Variants in HIP1 observed in about 807,000 individuals in gnomAD.
HIP1 encodes huntingtin-interacting protein 1.
HIP1 carries 65 observed loss-of-function variants against 147.6 expected under a neutral mutation model. The observed-to-expected ratio is 0.44, with a 90% confidence interval of 0.36 to 0.54. The LOEUF (loss-of-function observed/expected upper bound fraction) is 0.54, where lower values mean the gene tolerates loss of function less well. Ranked by LOEUF, HIP1 falls within the 20% of genes least tolerant of loss-of-function variation. The pLI is 0.00. For missense variants in HIP1, 1,061 were observed against 1,299.6 expected (o/e 0.82, Z 2.82); for synonymous variants, 479 against 504.0 (o/e 0.95, Z 0.67).
In HIP1 at chr7:75,715,458, CAGAGAG is replaced by C. The variant is rs1164089551; in HGVS notation, c.120+23337_120+23342del. Reference sequence around the variant, plus strand: ...GAAAGAAGGGAGAGAGAGACACACACAGAGAGAGAGAGAGAGAGAGAGAGAGAGAAA... The same window carrying C: ...GAAAGAAGGGAGAGAGAGACACACACAGAGAGAGAGAGAGAGAGAGAGAAA... On this transcript the variant is annotated intron_variant, in intron 1 of 30. Coordinates refer to ENST00000336926, the MANE Select transcript of HIP1 (RefSeq NM_005338.7). Among the ~76,000 whole-genome samples, 119 of 106,638 alleles carry C rather than the reference CAGAGAG, an allele frequency of 1.1e-3. 1 individual carries two copies. The highest frequency in any genetic ancestry group is 4.4e-3 in the Middle Eastern group (1 of 228). 70.0% of individuals were successfully genotyped at this position (106,638 alleles called of 152,430 possible).
chr7:75,637,224 C>T (rs2117146321), intron 1 of HIP1, among the ~76,000 whole-genome samples: 1 of 152,332 alleles, frequency 6.6e-6, no homozygotes, highest in Middle Eastern at 3.4e-3. Flanking sequence ...TTACCCAGCA[C>T]TTGCTATAGA....
Position 75,568,067 on chromosome 7 carries a change from C to CA in HIP1, c.803+131dup, listed in dbSNP as rs1795474670. ...TTGGCCTCAAGTGATCCTCCCGCCT[C>CA]AGCCTCCCAAAGAGTTGGGGTTACA... On this transcript the variant is annotated intron_variant, in intron 9 of 30. Coordinates refer to ENST00000336926, the MANE Select transcript of HIP1 (RefSeq NM_005338.7). This position sits in a 1 kb window ranked among gnomAD's most constrained non-coding sequence, Gnocchi z 4.1. 7.1e-6 allele frequency: 5 copies of CA among 702,980 alleles called. No homozygotes were observed. In the Admixed American group the frequency reaches 1.0e-4, roughly 15 times the overall value. 43.5% of individuals were successfully genotyped at this position (702,980 alleles called of 1,614,324 possible).
rs1409062696 is a variant in HIP1 at position 75,606,141 on chromosome 7, GC to G, written c.121-6895del. 2.0e-5 allele frequency among the ~76,000 whole-genome samples: 3 copies of G among 152,102 alleles called. No homozygotes were observed. In the East Asian group the frequency reaches 5.8e-4, roughly 29 times the overall value. ...TGGGCTTATAGGTGTGAGACACCAT[GC>G]CCAGCCAGAAGCTATTTAATAGCAT... On this transcript the variant is annotated intron_variant, in intron 1 of 30. Transcript: ENST00000336926.
intron 11 of HIP1, 133 bp downstream of exon 11, chr7:75,562,799 AGGT>A: frequency 1.3e-6 from 1 of 799,780 alleles, no homozygotes; most frequent in Non-Finnish European, 2.0e-6. Flanking sequence ...TGCTCAGCCT[AGGT>A]TGGTGCTAGG....
chr7:75,730,678 C>T lies in HIP1; in HGVS notation c.120+8123G>A, dbSNP rs566606204. ...TAATTCATACATGTGTTGCAAGGAT[C>T]GAAAAGGGTGGCTCATGTAAGGCCT... is the stretch of plus-strand genomic sequence containing the variant. On this transcript the variant is annotated intron_variant, in intron 1 of 30. Transcript: ENST00000336926. Among the ~76,000 whole-genome samples the T allele has an allele frequency of 9.3e-5, 14 of 151,066 alleles. No individual in the cohort carries two copies. The South Asian group carries it at 1.7e-3, about 18-fold the overall frequency.
intron 1 of HIP1, among the ~76,000 whole-genome samples, chr7:75,692,357 C>G (rs182939916): frequency 6.6e-6 from 1 of 151,770 alleles, no homozygotes; most frequent in Admixed American, 6.6e-5. Flanking sequence ...CTCCTGGGCT[C>G]AAGCAATCCT....
chr7:75,547,690 G>C (rs782091436), intron 24 of HIP1, 65 bp downstream of exon 24: 1 of 1,360,016 alleles, frequency 7.4e-7, no homozygotes, highest in Non-Finnish European at 1.1e-6. Flanking sequence ...AGTATGCAAA[G>C]TATAGACCAA....
chr7:75,555,984 G>A (rs1554493173), intron 18 of HIP1, 42 bp downstream of exon 18: 10 of 1,608,190 alleles, frequency 6.2e-6, no homozygotes, highest in African/African-American at 2.7e-5. Context: ...GCCCTCGGTG[G>A]GAATTCACAG....
At chr7:75,611,632 C>T in intron 1 of HIP1, 1 of 1,016,054 alleles carries the variant, frequency 9.8e-7, no homozygotes, top group Non-Finnish European at 1.2e-6. Context: ...CCTCCCAGCA[C>T]CAAGGGCGGG....
At chr7:75,605,801 T>C (rs1797202109) in intron 1 of HIP1, among the ~76,000 whole-genome samples, 1 of 152,142 alleles carries the variant, frequency 6.6e-6, no homozygotes, top group South Asian at 2.1e-4. Context: ...CTCCCAGTGT[T>C]GGGATTAGAG....
rs1794870116 is a variant in HIP1 at position 75,553,516 on chromosome 7, G to C, written c.2232C>G (p.Ser744Arg). The C allele has an allele frequency of 1.9e-6, 3 of 1,614,022 alleles. No individual in the cohort carries two copies. The South Asian group carries it at 3.3e-5, about 18-fold the overall frequency. Residue 744 changes from serine (S) to arginine (R), a missense_variant, in exon 22 of 31, where the codon AGC becomes AGG. Coordinates refer to ENST00000336926, the MANE Select transcript of HIP1 (RefSeq NM_005338.7). ...TGGCTGTGCTGTCGGCATTCTCAAG[G>C]CTTCCCTCTTCCTCCAGGGAGGCCA... Reference protein sequence around the residue: ...AYLASLEEEGSLENADSTAMR... With the variant: ...AYLASLEEEGRLENADSTAMR...
chr7:75,694,743 C>T (rs897509786), intron 1 of HIP1, among the ~76,000 whole-genome samples: 2 of 151,410 alleles, frequency 1.3e-5, no homozygotes, highest in Non-Finnish European at 2.9e-5. Context: ...CTCCTGGCCT[C>T]AAGTGATCCT....
At chr7:75,549,839 GT>G (rs34920736) in intron 22 of HIP1, among the ~76,000 whole-genome samples, 104,323 of 136,374 alleles carry the variant, frequency 0.76, 39,806 homozygotes, top group Middle Eastern at 0.82. Flanking sequence ...CCGGATAATT[GT>G]TTTTTTTTTT....
rs1796528940 is a variant in HIP1 at position 75,592,440 on chromosome 7, T to A, written c.259A>T (p.Ser87Cys). 1 of 1,612,628 alleles carries A rather than the reference T, an allele frequency of 6.2e-7. No individual in the cohort carries two copies. Among genetic ancestry groups the A allele is most frequent in the Non-Finnish European group, 8.5e-7 (1 of 1,179,700 alleles). The change falls in exon 3 of 31, where the codon AGC becomes TGC. Residue 87 changes from serine to cysteine, a missense_variant. Physicochemically the swap from Ser to Cys is moderately radical, Grantham distance 112. Around this residue, in one of 3 missense-constraint regions of HIP1, gnomAD observed 225 missense variants for 292.9 expected, o/e 0.77. Coordinates refer to ENST00000336926, the MANE Select transcript of HIP1 (RefSeq NM_005338.7). ...WSVVNRLPLS[S>C]NAVLCWKFCH... ...AACTTCCAGCAGAGCACTGCGTTGC[T>A]AGACAGAGGCAGGCGGTTGACAACA...
At chr7:75,618,581 C>T (rs1426911700) in intron 1 of HIP1, among the ~76,000 whole-genome samples, 1 of 152,172 alleles carries the variant, frequency 6.6e-6, no homozygotes, top group Non-Finnish European at 1.5e-5. Flanking sequence ...GCCACCGCAC[C>T]CAGCTGTTTC....
chr7:75,549,088 G>A (rs1794681336), intron 22 of HIP1, 87 bp from the exon 23 acceptor site: 3 of 953,206 alleles, frequency 3.1e-6, no homozygotes, highest in South Asian at 1.3e-5. Context: ...AGATGGCAAG[G>A]CAGGAGGCCA....
At chr7:75,687,559 C>A (rs1173042212) in intron 1 of HIP1, among the ~76,000 whole-genome samples, 1 of 152,074 alleles carries the variant, frequency 6.6e-6, no homozygotes, top group Non-Finnish European at 1.5e-5. Flanking sequence ...GGCTTGGTGG[C>A]GGGCACCTGT....
At chr7:75,633,087 C>G (rs1798287774) in intron 1 of HIP1, among the ~76,000 whole-genome samples, 1 of 151,990 alleles carries the variant, frequency 6.6e-6, no homozygotes, top group Non-Finnish European at 1.5e-5. Context: ...ATCTGTGCAG[C>G]AAACCAGCAT....
At chr7:75,689,439 G>A (rs1800372468) in intron 1 of HIP1, among the ~76,000 whole-genome samples, 1 of 152,040 alleles carries the variant, frequency 6.6e-6, no homozygotes, top group East Asian at 1.9e-4. Flanking sequence ...GGGAGGGGGA[G>A]GTTGCAGTGA....
Sources: allele counts gnomAD v4.1 joint callset (sites outside exome capture counted in the v4.1 genomes callset), GRCh38; gene constraint gnomAD v4.1.1; regional missense constraint gnomAD v4.1.1; non-coding constraint Gnocchi (gnomAD v3.1); transcripts MANE v1.5; gene names NCBI Gene and HGNC (gene_info 2026-07-23, HGNC 2026-07-21).